Variants in DYTN observed in about 807,000 individuals in gnomAD.
DYTN encodes the protein dystrotelin.
In DYTN, 75 loss-of-function variants were observed where a neutral mutation model predicts 69.6. The observed-to-expected ratio is 1.08, with a 90% CI of 0.89 to 1.31. The LOEUF (loss-of-function observed/expected upper bound fraction) is 1.31. Ranked by LOEUF, DYTN falls within the 50% of genes most tolerant of loss-of-function variation. DYTN has a pLI of 0.00. For missense variants in DYTN, 726 were observed against 688.4 expected (o/e 1.05, Z -0.61); for synonymous variants, 252 against 249.1 (o/e 1.01, Z -0.11).
At position 206,663,361 on chromosome 2, in the gene DYTN, G is replaced by A. The variant is rs760788997; in HGVS notation, c.1175C>T (p.Ser392Phe). ...AACCTTGTTCCCCACATTTTGAAAG[G>A]AAGAAGATGAAGGACCGGGTGGCTG... is the stretch of plus-strand genomic sequence containing the variant. ...RLQPPGPSSS[S>F]FQNVGNKVDH... The change falls in exon 11 of 12, where the codon TCC becomes TTC. Residue 392 changes from serine (S) to phenylalanine (F), a missense_variant. Transcript: ENST00000452335. 5 of 1,609,086 alleles carry A rather than the reference G, an allele frequency of 3.1e-6. No homozygotes were observed. In the Admixed American group the frequency reaches 6.7e-5, roughly 22 times the overall value.
At chr2:206,654,947 G>A (rs1300813243) in intron 11 of DYTN, among the ~76,000 whole-genome samples, 1 of 152,096 alleles carries the variant, frequency 6.6e-6, no homozygotes, top group East Asian at 1.9e-4. Flanking sequence ...GTTCCTTTCT[G>A]ATTGGGATGC....
intron 5 of DYTN, among the ~76,000 whole-genome samples, chr2:206,702,410 G>T (rs1699985143): frequency 6.6e-6 from 1 of 152,232 alleles, no homozygotes; most frequent in Non-Finnish European, 1.5e-5. Flanking sequence ...TCAGGAAAGT[G>T]GCACTCAGAA....
intron 9 of DYTN, among the ~76,000 whole-genome samples, chr2:206,675,858 A>G (rs901811324): frequency 6.6e-6 from 1 of 152,172 alleles, no homozygotes; most frequent in Admixed American, 6.5e-5. Context: ...GTTAGAGAAA[A>G]GCAAATTAAA....
intron 9 of DYTN, chr2:206,687,258 C>T (rs1334251512): frequency 6.4e-6 from 1 of 156,006 alleles, no homozygotes; most frequent in African/African-American, 2.4e-5. Flanking sequence ...AAAGACACTA[C>T]TTGATGTGGG....
Position 206,710,519 on chromosome 2 carries a change from C to T in DYTN, c.94+5G>A. The T allele has an allele frequency of 2.5e-6, 4 of 1,608,898 alleles. No individual in the cohort carries two copies. Among genetic ancestry groups the T allele is most frequent in the Non-Finnish European group, 3.4e-6 (4 of 1,177,858 alleles). ...TTCAAATATTTCAGGAGAGCCTATA[C>T]TTACACTGGCACAGAGTTTGCACTG... is the stretch of plus-strand genomic sequence containing the variant. On this transcript the variant is annotated splice_donor_5th_base_variant and intron_variant, in intron 2 of 11. Transcript: ENST00000452335.
At chr2:206,680,351 T>G (rs1203768408) in intron 9 of DYTN, among the ~76,000 whole-genome samples, 2 of 152,066 alleles carry the variant, frequency 1.3e-5, no homozygotes, top group Non-Finnish European at 2.9e-5. Context: ...CCACAACACA[T>G]GGGGATTATG....
chr2:206,713,785 C>G (rs993256851), intron 1 of DYTN, among the ~76,000 whole-genome samples: 3 of 152,224 alleles, frequency 2.0e-5, no homozygotes, highest in African/African-American at 7.2e-5. Context: ...AAGGATTTCA[C>G]ACACAAGCAA....
chr2:206,681,375 T>G (rs989161525), intron 9 of DYTN, among the ~76,000 whole-genome samples: 2 of 152,328 alleles, frequency 1.3e-5, no homozygotes, highest in South Asian at 2.1e-4. Context: ...TTCTTTCTCT[T>G]GCCTGATTGA....
intron 11 of DYTN, among the ~76,000 whole-genome samples, chr2:206,658,984 CTTT>C (rs35131832): frequency 1.0e-3 from 146 of 140,066 alleles, no homozygotes; most frequent in African/African-American, 2.3e-3. Flanking sequence ...AACAAGAGGA[CTTT>C]TTTTTTTTTT....
intron 8 of DYTN, 112 bp from the exon 9 acceptor site, chr2:206,693,435 A>G (rs1699886574): frequency 7.4e-7 from 1 of 1,348,750 alleles, no homozygotes; most frequent in East Asian, 2.4e-5. Context: ...ATTTCTCTTA[A>G]GTCCTCAGAA....
intron 11 of DYTN, 140 bp from the exon 12 acceptor site, chr2:206,652,061 G>A: frequency 1.5e-6 from 1 of 682,804 alleles, no homozygotes; most frequent in South Asian, 2.4e-5. Flanking sequence ...AAGTTAGCCA[G>A]CAAATAAGAT....
At chr2:206,657,275 C>T (rs898499078) in intron 11 of DYTN, among the ~76,000 whole-genome samples, 1 of 152,024 alleles carries the variant, frequency 6.6e-6, no homozygotes, top group East Asian at 1.9e-4. Flanking sequence ...CACCACACCA[C>T]ACATCTTTAC....
chr2:206,713,482 C>A (rs1184417778), intron 1 of DYTN, among the ~76,000 whole-genome samples: 1 of 152,128 alleles, frequency 6.6e-6, no homozygotes, highest in African/African-American at 2.4e-5. Flanking sequence ...TGGTAAGAAG[C>A]CATCTCTCAT....
chr2:206,710,820 A>G (rs1700073211), intron 1 of DYTN, among the ~76,000 whole-genome samples: 2 of 152,206 alleles, frequency 1.3e-5, no homozygotes, highest in South Asian at 4.1e-4. Context: ...CCAAAAAGTG[A>G]CGGAATACTC....
intron 2 of DYTN, among the ~76,000 whole-genome samples, chr2:206,708,525 TTAAA>T (rs1700048813): frequency 1.3e-5 from 2 of 152,208 alleles, no homozygotes; most frequent in Admixed American, 1.3e-4. Flanking sequence ...AGAATGTGAC[TTAAA>T]TAAAAACCTG....
intron 1 of DYTN, among the ~76,000 whole-genome samples, chr2:206,717,734 C>T (rs16824785): frequency 0.24 from 36,423 of 151,890 alleles, 4,634 homozygotes; most frequent in African/African-American, 0.32. Flanking sequence ...AGGCTCCAAA[C>T]AGATCTAGCA....
At chr2:206,692,656 G>C (rs921216151) in intron 9 of DYTN, among the ~76,000 whole-genome samples, 14 of 152,158 alleles carry the variant, frequency 9.2e-5, no homozygotes, top group African/African-American at 3.4e-4. Context: ...ATAAGGAAGA[G>C]AGTAAGGCCA....
At chr2:206,678,608 T>A (rs1275770233) in intron 9 of DYTN, among the ~76,000 whole-genome samples, 1 of 152,170 alleles carries the variant, frequency 6.6e-6, no homozygotes, top group African/African-American at 2.4e-5. Context: ...TATATAACCA[T>A]TAAGATGTTT....
Position 206,694,835 on chromosome 2 carries a change from C to T in DYTN, c.762G>A (p.Met254Ile), listed in dbSNP as rs746316870. ...LKCLNFDICQMCFLSGLHSKS... is the reference protein window; with the variant it reads ...LKCLNFDICQICFLSGLHSKS... ...TGCTGTGAAGACCAGATAAGAAACA[C>T]ATCTGGCAGATGTCAAAGTTGAGAC... Residue 254 changes from methionine to isoleucine, a missense_variant, in exon 8 of 12, where the codon ATG becomes ATA. Transcript: ENST00000452335. The T allele has an allele frequency of 5.6e-6, 9 of 1,609,262 alleles. No homozygotes were observed. In the Admixed American group the frequency reaches 8.4e-5, roughly 15 times the overall value.
Sources: gnomAD v4.1 joint callset for allele counts (sites outside exome capture counted in the v4.1 genomes callset) on GRCh38, gnomAD v4.1.1 for gene constraint, MANE v1.5 for transcripts, NCBI Gene and HGNC (gene_info 2026-07-23, HGNC 2026-07-21) for gene names.